LRGUK: variants seen among roughly 807,000 people sequenced by gnomAD.
The protein encoded by LRGUK is leucine rich repeats and guanylate kinase domain containing.
Under a neutral mutation model 76.0 loss-of-function variants are expected in LRGUK, and 65 were observed. The observed-to-expected ratio is 0.85, with a 90% CI of 0.70 to 1.05. The LOEUF (loss-of-function observed/expected upper bound fraction) is 1.05, where lower values mean the gene tolerates loss of function less well. Among genes scored for constraint, LRGUK ranks in the 50% least tolerant of loss-of-function variants. The pLI is 0.00. For missense variants in LRGUK, 758 were observed against 732.8 expected, an observed-to-expected ratio of 1.03 and a Z score of -0.40; for synonymous variants, 268 against 265.6, an observed-to-expected ratio of 1.01 and a Z score of -0.09.
In LRGUK at chr7:134,163,556, A is replaced by C; in HGVS notation, c.939+16A>C. ...GGATAATAAGGTAGTGTTGCACTTC[A>C]CATGTCTTGGTTTCAGTGTTGACAT... On this transcript the variant is annotated intron_variant, in intron 7 of 15. Transcript: ENST00000645682. 6 of 1,596,488 alleles carry C rather than the reference A, an allele frequency of 3.8e-6. No individual in the cohort carries two copies. Among genetic ancestry groups the C allele is most frequent in the Non-Finnish European group, 5.1e-6 (6 of 1,169,904 alleles).
intron 6 of LRGUK, among the ~76,000 whole-genome samples, chr7:134,161,875 G>A (rs1798753311): frequency 6.6e-6 from 1 of 151,752 alleles, no homozygotes; most frequent in African/African-American, 2.4e-5. Flanking sequence ...TATTTTTTTA[G>A]TAGAGACGGA....
intron 12 of LRGUK, among the ~76,000 whole-genome samples, chr7:134,192,032 G>A (rs1800275451): frequency 6.6e-6 from 1 of 152,112 alleles, no homozygotes; most frequent in Non-Finnish European, 1.5e-5. Context: ...AAAAATTCTT[G>A]TGATCTGTGC....
chr7:134,160,363 A>G (rs1295275156), intron 6 of LRGUK, among the ~76,000 whole-genome samples: 2 of 152,196 alleles, frequency 1.3e-5, no homozygotes, highest in Non-Finnish European at 2.9e-5. Context: ...TGCCCTCATC[A>G]CCCAAGATCA....
At chr7:134,262,171 C>T (rs958035012) in intron 19 of LRGUK, among the ~76,000 whole-genome samples, 6 of 152,004 alleles carry the variant, frequency 3.9e-5, no homozygotes, top group Admixed American at 2.0e-4. Context: ...GTCAGGCATT[C>T]GAGACCAGTC....
At chr7:134,240,081 A>G (rs148996619) in intron 16 of LRGUK, among the ~76,000 whole-genome samples, 164 of 152,360 alleles carry the variant, frequency 1.1e-3, no homozygotes, top group African/African-American at 3.7e-3. Flanking sequence ...AAGGTCGATA[A>G]AACCACAAAG....
At chr7:134,194,732 CTCCA>C (rs1188801547) in intron 12 of LRGUK, among the ~76,000 whole-genome samples, 1 of 152,146 alleles carries the variant, frequency 6.6e-6, no homozygotes, top group Non-Finnish European at 1.5e-5. Flanking sequence ...CACAGCAAGA[CTCCA>C]TCTCTTAAAA....
intron 10 of LRGUK, among the ~76,000 whole-genome samples, chr7:134,178,948 A>AACCAAAAAAAAAAAAAC (rs1799620289): frequency 6.8e-6 from 1 of 148,080 alleles, no homozygotes; most frequent in East Asian, 1.9e-4. Flanking sequence ...AAAAAAAAAA[A>AACCAAAAAAAAAAAAAC]CCAGGACCAA....
At chr7:134,210,799 C>T (rs1801234516), downstream of LRGUK, among the ~76,000 whole-genome samples, 1 of 152,146 alleles carries the variant, frequency 6.6e-6, no homozygotes, top group South Asian at 2.1e-4. Context: ...TCCAAAGGCA[C>T]AATGCACTTG....
chr7:134,209,225 C>G (rs1391409221), exon 16 of LRGUK: 1 of 398,950 alleles, frequency 2.5e-6, no homozygotes, highest in African/African-American at 2.1e-5. Context: ...TGGCCCTCCT[C>G]TGTCTGAACC....
intron 10 of LRGUK, among the ~76,000 whole-genome samples, chr7:134,178,933 A>AAAAAAAACAAAAAAACC: frequency 7.3e-5 from 1 of 13,646 alleles, no homozygotes; most frequent in African/African-American, 3.0e-4. Context: ...TCTCAAAAAA[A>AAAAAAAACAAAAAAACC]AAAAAAAAAA....
intron 9 of LRGUK, among the ~76,000 whole-genome samples, chr7:134,178,195 G>T (rs1440929704): frequency 1.9e-4 from 29 of 152,040 alleles, no homozygotes; most frequent in Non-Finnish European, 1.5e-5. Context: ...AGGGGCTGTG[G>T]GTTTTTGTTT....
rs544513970 is a variant in LRGUK, at chr7:134,142,977, T to A, written c.488-85T>A. ...TTGCAACTGTTATAATTTTAAAATA[T>A]TCTGATGTCATGTACACTGTTTTTA... On this transcript the variant is annotated intron_variant, in intron 3 of 15. Transcript: ENST00000645682. 5.7e-6 allele frequency: 4 copies of A among 706,122 alleles called. No individual in the cohort carries two copies. The South Asian group carries it at 7.1e-5, about 13-fold the overall frequency. The allele number at this position is 706,122 out of a possible 1,614,324, so 43.7% of individuals were successfully genotyped here.
intron 11 of LRGUK, 96 bp downstream of exon 11, chr7:134,183,949 G>A: frequency 2.1e-6 from 3 of 1,458,368 alleles, no homozygotes; most frequent in South Asian, 1.3e-5. Flanking sequence ...TGCTAATGTT[G>A]GCTATTAATT....
At chr7:134,201,438 G>A in intron 14 of LRGUK, 43 bp from the exon 15 acceptor site, 1 of 1,418,792 alleles carries the variant, frequency 7.0e-7, no homozygotes, top group Non-Finnish European at 1.0e-6. Context: ...CAACTGTATT[G>A]GATGTGATCC....
At chr7:134,260,594 G>A (rs566560731) in intron 19 of LRGUK, among the ~76,000 whole-genome samples, 64 of 152,276 alleles carry the variant, frequency 4.2e-4, no homozygotes, top group Middle Eastern at 3.4e-3. Context: ...CATTTTCCCT[G>A]GGCTTGTGTG....
At chr7:134,207,852 G>A (rs1005051808) in intron 15 of LRGUK, among the ~76,000 whole-genome samples, 2 of 152,290 alleles carry the variant, frequency 1.3e-5, no homozygotes, top group African/African-American at 4.8e-5. Flanking sequence ...GGGTAAGATG[G>A]TATTTGGGCC....
chr7:134,243,521 A>G (rs1264715115), intron 16 of LRGUK, among the ~76,000 whole-genome samples: 12 of 152,162 alleles, frequency 7.9e-5, no homozygotes, highest in Admixed American at 7.9e-4. Flanking sequence ...TTCAAGGAGA[A>G]CTACAAACCA....
intron 5 of LRGUK, among the ~76,000 whole-genome samples, chr7:134,156,746 T>G (rs557713226): frequency 6.6e-6 from 1 of 152,190 alleles, no homozygotes; most frequent in South Asian, 2.1e-4. Flanking sequence ...TTAAAAAAAA[T>G]TAATCTGCCT....
intron 17 of LRGUK, among the ~76,000 whole-genome samples, chr7:134,248,248 G>A (rs1392786737): frequency 6.6e-6 from 1 of 152,192 alleles, no homozygotes; most frequent in African/African-American, 2.4e-5. Flanking sequence ...CCAGCAGAAT[G>A]CCAGGCCTGT....
Sources: gnomAD v4.1 joint callset for allele counts (sites outside exome capture counted in the v4.1 genomes callset) on GRCh38, gnomAD v4.1.1 for gene constraint, MANE v1.5 for transcripts, NCBI Gene and HGNC (gene_info 2026-07-23, HGNC 2026-07-21) for gene names.